SLC24A3: variants seen among roughly 807,000 people sequenced by gnomAD.
The protein encoded by SLC24A3 is sodium/potassium/calcium exchanger 3.
In SLC24A3, 28 loss-of-function variants were observed where a neutral mutation model predicts 75.8. The ratio of observed to expected loss-of-function variants is 0.37; its 90% CI spans 0.27 to 0.51. The LOEUF (loss-of-function observed/expected upper bound fraction) is 0.51, where lower values mean the gene tolerates loss of function less well. Ranked by LOEUF, SLC24A3 falls within the 20% of genes least tolerant of loss-of-function variation. The pLI, the probability that SLC24A3 is intolerant of heterozygous loss-of-function variation, is 0.94. For synonymous variants in SLC24A3, 372 were observed against 334.1 expected (o/e 1.11, Z -1.24); for missense variants, 663 against 847.8 (o/e 0.78, Z 2.71).
chr20:19,515,639 T>C, intron 3 of SLC24A3, 75 bp downstream of exon 3: 1 of 1,463,952 alleles, frequency 6.8e-7, no homozygotes, highest in Non-Finnish European at 9.5e-7. Flanking sequence ...GCACCTGAGG[T>C]GCCCCCAGTA....
At chr20:19,558,059 A>T (rs902852561) in intron 3 of SLC24A3, among the ~76,000 whole-genome samples, 4 of 152,220 alleles carry the variant, frequency 2.6e-5, no homozygotes, top group African/African-American at 7.2e-5. Flanking sequence ...GCAATAGAAG[A>T]TGGGGGAGGG....
chr20:19,502,425 C>G (rs1463509398), intron 2 of SLC24A3, among the ~76,000 whole-genome samples: 1 of 152,104 alleles, frequency 6.6e-6, no homozygotes, highest in South Asian at 2.1e-4. Context: ...GGGAGACAAA[C>G]TGAGAAGTGC....
In SLC24A3 at chr20:19,237,115, T is replaced by C. The variant is rs76470600; in HGVS notation, c.142+24131T>C. Reference sequence around the variant, plus strand: ...ACAACAAACATTTGATTAGCTCTGTTTCATTAGGATTCTTCACATTTTGAG... The same window carrying C: ...ACAACAAACATTTGATTAGCTCTGTCTCATTAGGATTCTTCACATTTTGAG... On this transcript the variant is annotated intron_variant, in intron 1 of 16. Coordinates refer to ENST00000328041, the MANE Select transcript of SLC24A3 (RefSeq NM_020689.4). 6.6e-5 allele frequency among the ~76,000 whole-genome samples: 10 copies of C among 152,364 alleles called. No homozygotes were observed. In the East Asian group the frequency reaches 1.9e-3, roughly 29 times the overall value.
At chr20:19,654,918 T>C (rs182372904) in intron 7 of SLC24A3, among the ~76,000 whole-genome samples, 10 of 152,170 alleles carry the variant, frequency 6.6e-5, no homozygotes, top group Non-Finnish European at 1.2e-4. Context: ...AACTGCTGGG[T>C]TTACAGGCAT....
chr20:19,658,945 T>A (rs904833226), intron 7 of SLC24A3, among the ~76,000 whole-genome samples: 12 of 152,234 alleles, frequency 7.9e-5, no homozygotes, highest in Admixed American at 3.9e-4. Context: ...TGTATTGAAA[T>A]GTTACTGTAA....
chr20:19,250,654 A>T (rs928661611), intron 1 of SLC24A3, among the ~76,000 whole-genome samples: 15 of 152,318 alleles, frequency 9.8e-5, no homozygotes, highest in African/African-American at 3.4e-4. Flanking sequence ...CTTTTTAAAA[A>T]TTTTTTAATC....
At chr20:19,226,397 G>A (rs1036940739) in intron 1 of SLC24A3, among the ~76,000 whole-genome samples, 2 of 152,090 alleles carry the variant, frequency 1.3e-5, no homozygotes, top group African/African-American at 4.8e-5. Context: ...TACTATCACT[G>A]TCTGGTTTTG....
chr20:19,373,944 T>A (rs561842658), intron 2 of SLC24A3, among the ~76,000 whole-genome samples: 2 of 152,308 alleles, frequency 1.3e-5, no homozygotes, highest in Admixed American at 6.5e-5. Flanking sequence ...TTCTTTCAGG[T>A]TTTCCTTGAA....
chr20:19,506,028 A>G (rs892429042), intron 2 of SLC24A3, among the ~76,000 whole-genome samples: 3 of 152,216 alleles, frequency 2.0e-5, no homozygotes, highest in East Asian at 1.9e-4. Flanking sequence ...ATCATCATCA[A>G]TCCTCATAAT....
At position 19,576,046 on chromosome 20, in the gene SLC24A3, G is replaced by T. The variant is rs535650116; in HGVS notation, c.349-3954G>T. On this transcript the variant is annotated intron_variant, in intron 3 of 16. Transcript: ENST00000328041. ...TGCCATTTGCTAGCCATGTGTACTT[G>T]GGTAAGTTCCCACACCCTCTGCATT... is the stretch of plus-strand genomic sequence containing the variant. Among the ~76,000 whole-genome samples the T allele has an allele frequency of 3.3e-5, 5 of 152,176 alleles. No homozygotes were observed. The East Asian group carries it at 7.7e-4, about 24-fold the overall frequency.
At chr20:19,390,086 C>T (rs956251724) in intron 2 of SLC24A3, among the ~76,000 whole-genome samples, 3 of 152,094 alleles carry the variant, frequency 2.0e-5, no homozygotes, top group Non-Finnish European at 2.9e-5. Context: ...GTTTCTAGCT[C>T]TTTGTTGAAC....
chr20:19,690,110 A>G (rs1445131207), intron 12 of SLC24A3, among the ~76,000 whole-genome samples: 1 of 151,858 alleles, frequency 6.6e-6, no homozygotes, highest in African/African-American at 2.4e-5. Context: ...TTGTTCCTCA[A>G]AATCATTTTT....
At chr20:19,276,147 C>G (rs1486634501) in intron 1 of SLC24A3, among the ~76,000 whole-genome samples, 2 of 152,116 alleles carry the variant, frequency 1.3e-5, no homozygotes, top group Non-Finnish European at 2.9e-5. Flanking sequence ...CTTCACCTTC[C>G]CACCCTCCAA....
chr20:19,393,110 T>G (rs1015288531), intron 2 of SLC24A3, among the ~76,000 whole-genome samples: 6 of 152,246 alleles, frequency 3.9e-5, no homozygotes, highest in African/African-American at 1.4e-4. Flanking sequence ...TTAATCTGAT[T>G]ATTAAAAATA....
At chr20:19,612,484 C>A (rs552630805) in intron 6 of SLC24A3, among the ~76,000 whole-genome samples, 1 of 152,062 alleles carries the variant, frequency 6.6e-6, no homozygotes, top group Non-Finnish European at 1.5e-5. Flanking sequence ...CTGATGTGAT[C>A]GTTAAGCATT....
intron 2 of SLC24A3, among the ~76,000 whole-genome samples, chr20:19,365,513 T>C (rs1447728004): frequency 6.6e-6 from 1 of 152,160 alleles, no homozygotes; most frequent in Admixed American, 6.5e-5. Flanking sequence ...GGGAATGCAT[T>C]AGGAACATGT....
intron 6 of SLC24A3, among the ~76,000 whole-genome samples, chr20:19,627,161 A>C (rs1242131065): frequency 2.6e-5 from 4 of 152,218 alleles, no homozygotes; most frequent in Non-Finnish European, 5.9e-5. Flanking sequence ...TGACGAAGTG[A>C]AAGTATCCAT....
chr20:19,692,455 T>C (rs902140573), intron 12 of SLC24A3, among the ~76,000 whole-genome samples: 2 of 152,140 alleles, frequency 1.3e-5, no homozygotes, highest in African/African-American at 4.8e-5. Context: ...TTAAAAGGAA[T>C]GGATCACGCA....
intron 6 of SLC24A3, among the ~76,000 whole-genome samples, chr20:19,608,996 G>A (rs1190116210): frequency 1.3e-5 from 2 of 152,158 alleles, no homozygotes; most frequent in African/African-American, 4.8e-5. Context: ...CGTGTTGAAT[G>A]ATGTCTCCAT....
Sources: gnomAD v4.1 joint callset for allele counts (sites outside exome capture counted in the v4.1 genomes callset) on GRCh38, gnomAD v4.1.1 for gene constraint, MANE v1.5 for transcripts, NCBI Gene and HGNC (gene_info 2026-07-23, HGNC 2026-07-21) for gene names.